The following CPEB1 variants were observed in gnomAD, a reference collection of about 807,000 sequenced individuals.
CPEB1 encodes the protein cytoplasmic polyadenylation element binding protein 1, also known as cytoplasmic polyadenylation element-binding protein 1.
A neutral mutation model predicts 65.8 loss-of-function variants in CPEB1; 7 were observed. That is an observed-to-expected ratio of 0.11 (90% CI 0.06 to 0.20). CPEB1 has a LOEUF of 0.20. Among genes scored for constraint, CPEB1 ranks in the 10% least tolerant of loss-of-function variants. The pLI, the probability that CPEB1 is intolerant of heterozygous loss-of-function variation, is 1.00. For synonymous variants in CPEB1, 262 were observed against 260.0 expected (o/e 1.01, Z -0.08); for missense variants, 551 against 712.2 (o/e 0.77, Z 2.58).
chr15:82,582,778 G>A (rs1189474724), intron 3 of CPEB1, among the ~76,000 whole-genome samples: 2 of 105,794 alleles, frequency 1.9e-5, no homozygotes, highest in East Asian at 5.7e-4. Flanking sequence ...GTCTCACTCT[G>A]TTGCCCCGGC....
chr15:82,578,827 T>TTTTTG (rs1279542328), intron 3 of CPEB1, among the ~76,000 whole-genome samples: 2 of 152,152 alleles, frequency 1.3e-5, no homozygotes, highest in East Asian at 1.9e-4. Context: ...ATTACATGTT[T>TTTTTG]TTTTGTTTTG....
At chr15:82,609,523 T>C (rs1250803891) in intron 3 of CPEB1, among the ~76,000 whole-genome samples, 5 of 149,240 alleles carry the variant, frequency 3.4e-5, no homozygotes, top group Admixed American at 2.0e-4. Context: ...ATAATAACAA[T>C]AGTAATTAAA....
In CPEB1 at chr15:82,546,491, G is replaced by A. The variant is rs781151443; in HGVS notation, c.1606C>T (p.Leu536=). 2.0e-5 allele frequency: 33 copies of A among 1,614,082 alleles called. No homozygotes were observed. Among genetic ancestry groups the A allele is most frequent in the Non-Finnish European group, 2.1e-5 (25 of 1,179,952 alleles). The part of the protein sequence containing the change: ...VQIDPYLEDS[L]CHICSSQPGP... ...GGCTGAGAACTGCAGATATGACACAGAGAATCTTCTAGGTAGGGGTCAATC... is the reference window on the plus strand; with the variant it reads ...GGCTGAGAACTGCAGATATGACACAAAGAATCTTCTAGGTAGGGGTCAATC... Residue 536 remains leucine, a synonymous_variant, in exon 12 of 13, where the codon CTG becomes TTG. Coordinates refer to ENST00000684509, the MANE Select transcript of CPEB1 (RefSeq NM_001365242.1).
chr15:82,627,415 G>C (rs1237593906), intron 2 of CPEB1, 48 bp from the exon 3 acceptor site: 1 of 1,430,124 alleles, frequency 7.0e-7, no homozygotes, highest in Non-Finnish European at 9.5e-7. Context: ...ACTCCTTTAT[G>C]ACCCCCTTTC....
intron 4 of CPEB1, among the ~76,000 whole-genome samples, chr15:82,570,744 A>G (rs905091495): frequency 2.6e-5 from 4 of 151,932 alleles, no homozygotes; most frequent in African/African-American, 9.7e-5. Flanking sequence ...AAAAGATTCT[A>G]TAGCTGGGAG....
intron 1 of CPEB1, among the ~76,000 whole-genome samples, chr15:82,630,884 C>T (rs1422009310): frequency 6.6e-6 from 1 of 152,074 alleles, no homozygotes; most frequent in East Asian, 1.9e-4. Context: ...TTTCAATACA[C>T]AAAATTGTGT....
At chr15:82,638,203 C>A (rs937735489) in intron 1 of CPEB1, among the ~76,000 whole-genome samples, 3 of 152,128 alleles carry the variant, frequency 2.0e-5, no homozygotes, top group Non-Finnish European at 1.5e-5. Flanking sequence ...AAATTCCCAA[C>A]AAATGGTAAC....
chr15:82,645,433 G>A (rs1349793080), intron 1 of CPEB1, among the ~76,000 whole-genome samples: 3 of 152,108 alleles, frequency 2.0e-5, no homozygotes, highest in Non-Finnish European at 4.4e-5. Context: ...GATTAAAGGC[G>A]TGAGTCATGG....
intron 3 of CPEB1, among the ~76,000 whole-genome samples, chr15:82,598,973 T>C (rs953018461): frequency 4.6e-5 from 7 of 152,078 alleles, no homozygotes; most frequent in African/African-American, 1.7e-4. Flanking sequence ...AAATTTTAAC[T>C]CTTATATCTG....
intron 2 of CPEB1, chr15:82,628,066 A>C (rs745410281): frequency 4.8e-6 from 3 of 625,138 alleles, no homozygotes; most frequent in Middle Eastern, 8.5e-4. Flanking sequence ...GCTACTCTAC[A>C]GAAAGGATTG....
rs569217169 is a variant in CPEB1, at chr15:82,628,530, G to A, written c.-71C>T. The A allele has an allele frequency of 2.9e-6, 2 of 689,530 alleles. No individual in the cohort carries two copies. The highest frequency in any genetic ancestry group is 5.3e-6 in the Non-Finnish European group (2 of 380,134). 42.7% of individuals were successfully genotyped at this position (689,530 alleles called of 1,614,324 possible). A position where few individuals can be genotyped will look rare whatever the true frequency, so the allele number is the denominator to read the frequency against. On this transcript the variant is annotated 5_prime_UTR_variant, in exon 2 of 13. Transcript: ENST00000684509. ...TGCTTTTGACTTCTTTTACAATACA[G>A]ACCCTTCTATTACACAGGCACTGAA...
chr15:82,552,596 C>T lies in CPEB1; in HGVS notation c.1165G>A (p.Glu389Lys). The T allele has an allele frequency of 2.5e-6, 4 of 1,614,006 alleles. No individual in the cohort carries two copies. The highest frequency in any genetic ancestry group is 1.1e-5 in the South Asian group (1 of 91,078). ...PPKGYVYLVFELEKSVRSLLQ... is the reference protein window; with the variant it reads ...PPKGYVYLVFKLEKSVRSLLQ... ...AAGGATCGGACAGACTTCTCTAGTT[C>T]GAAGACCAGATACACATACCCTATT... The change falls in exon 9 of 13, where the codon GAA becomes AAA. Residue 389 changes from glutamate to lysine, a missense_variant. Around this residue, in one of 6 missense-constraint regions of CPEB1, gnomAD observed 99 missense variants for 161.3 expected, o/e 0.61. Transcript: ENST00000684509.
At chr15:82,554,511 C>T (rs2036845049) in intron 6 of CPEB1, among the ~76,000 whole-genome samples, 1 of 152,196 alleles carries the variant, frequency 6.6e-6, no homozygotes, top group African/African-American at 2.4e-5. Flanking sequence ...GCACTGGCAA[C>T]CCAGTAAGAC....
chr15:82,612,866 AAAAC>A (rs896656466), intron 3 of CPEB1, among the ~76,000 whole-genome samples: 50 of 149,200 alleles, frequency 3.4e-4, no homozygotes, highest in Middle Eastern at 3.4e-3. Flanking sequence ...ACAAACAAAC[AAAAC>A]AAACAAACAA....
chr15:82,633,641 G>A (rs894572566), intron 1 of CPEB1, among the ~76,000 whole-genome samples: 2 of 152,196 alleles, frequency 1.3e-5, no homozygotes, highest in Admixed American at 1.3e-4. Flanking sequence ...CCAAAGCGCT[G>A]GGATTATAGG....
At chr15:82,646,728 G>A (rs1324317738) in intron 1 of CPEB1, among the ~76,000 whole-genome samples, 1 of 152,228 alleles carries the variant, frequency 6.6e-6, no homozygotes, top group Non-Finnish European at 1.5e-5. Flanking sequence ...CTAGGAATGA[G>A]GCAGCAAAGC....
chr15:82,635,204 G>C (rs1193318672), intron 1 of CPEB1, among the ~76,000 whole-genome samples: 1 of 152,100 alleles, frequency 6.6e-6, no homozygotes, highest in Admixed American at 6.6e-5. Context: ...TCTATAGCAC[G>C]GATACTCAGG....
chr15:82,626,366 G>A (rs545789581), intron 3 of CPEB1, among the ~76,000 whole-genome samples: 110 of 150,484 alleles, frequency 7.3e-4, no homozygotes, highest in African/African-American at 2.5e-3. Flanking sequence ...CCAGGGAGTT[G>A]GAGGTTGCAG....
rs113956845 is a variant in CPEB1, at chr15:82,587,672, T to C, written c.272-16140A>G. ...AGCAAATGTAAACTACTCAAAAAAATTCAGATAATTTTAAGAAATTAAAAT... is the reference window on the plus strand; with the variant it reads ...AGCAAATGTAAACTACTCAAAAAAACTCAGATAATTTTAAGAAATTAAAAT... On this transcript the variant is annotated intron_variant, in intron 3 of 12. Coordinates refer to ENST00000684509, the MANE Select transcript of CPEB1 (RefSeq NM_001365242.1). 5.6e-3 allele frequency among the ~76,000 whole-genome samples: 847 copies of C among 152,224 alleles called. 4 individuals carry two copies. Among genetic ancestry groups the C allele is most frequent in the Non-Finnish European group, 9.8e-3 (666 of 68,026 alleles).
Sources: allele counts gnomAD v4.1 joint callset (sites outside exome capture counted in the v4.1 genomes callset), GRCh38; gene constraint gnomAD v4.1.1; regional missense constraint gnomAD v4.1.1; transcripts MANE v1.5; gene names NCBI Gene and HGNC (gene_info 2026-07-23, HGNC 2026-07-21).